Variants in PLCE1 observed in about 807,000 individuals in gnomAD.
PLCE1 encodes 1-phosphatidylinositol 4,5-bisphosphate phosphodiesterase epsilon-1.
In PLCE1, 119 loss-of-function variants were observed where a neutral mutation model predicts 242.8. That is an observed-to-expected ratio of 0.49 (90% confidence interval 0.42 to 0.57). The LOEUF (loss-of-function observed/expected upper bound fraction) is 0.57. PLCE1 is among the 20% of genes least tolerant of loss of function. PLCE1 has a pLI of 0.00. For missense variants in PLCE1, 2,441 were observed against 2,788.8 expected, an observed-to-expected ratio of 0.88 and a Z score of 2.81; for synonymous variants, 945 against 1,017.4, an observed-to-expected ratio of 0.93 and a Z score of 1.35.
chr10:94,189,845 G>T, intron 4 of PLCE1, among the ~76,000 whole-genome samples: 1 of 152,162 alleles, frequency 6.6e-6, no homozygotes, highest in East Asian at 1.9e-4. Flanking sequence ...CAGCCAAAGA[G>T]GTCAAGAGCA....
chr10:94,028,718 A>G lies in PLCE1; in HGVS notation c.-364-1965A>G, dbSNP rs138754401. Reference sequence around the variant, plus strand: ...AATTCCAGCAATTTGGGAGGCTAAGATGGGAGGATCGCTTGAGCCCAGAAA... The same window carrying G: ...AATTCCAGCAATTTGGGAGGCTAAGGTGGGAGGATCGCTTGAGCCCAGAAA... On this transcript the variant is annotated intron_variant, in intron 1 of 32. Transcript: ENST00000371380. Among the ~76,000 whole-genome samples the G allele has an allele frequency of 3.8e-3, 574 of 152,186 alleles. 2 individuals are homozygous for G. The highest frequency in any genetic ancestry group is 0.013 in the African/African-American group (542 of 41,532).
At chr10:94,127,822 G>A (rs768354385) in intron 2 of PLCE1, among the ~76,000 whole-genome samples, 5 of 152,052 alleles carry the variant, frequency 3.3e-5, no homozygotes, top group Non-Finnish European at 2.9e-5. Flanking sequence ...ACTTATCCAA[G>A]GTCACACAGC....
At chr10:94,105,651 G>A (rs895097764) in intron 2 of PLCE1, 1 of 152,168 alleles carries the variant, frequency 6.6e-6, no homozygotes, top group Non-Finnish European at 1.5e-5. Context: ...TTAGAATGAT[G>A]TTGGCACACT....
Position 94,132,366 on chromosome 10 carries a change from A to G in PLCE1, c.1399A>G (p.Thr467Ala). ...AAGGACTTCAATATCGCAGTACATC[A>G]CCGGTTCTCTCCTAGAAGCAACCAC... The part of the protein sequence containing the change: ...LQRTSISQYI[T>A]GSLLEATTSL... The change falls in exon 3 of 33, where the codon ACC (threonine) becomes GCC (alanine). Residue 467 changes from threonine to alanine, a missense_variant. Around this residue, in one of 5 missense-constraint regions of PLCE1, gnomAD observed 733 missense variants for 754.2 expected, o/e 0.97. Transcript: ENST00000371380. 6.2e-7 allele frequency: 1 copy of G among 1,614,042 alleles called. No individual in the cohort carries two copies. Among genetic ancestry groups the G allele is most frequent in the Non-Finnish European group, 8.5e-7 (1 of 1,179,962 alleles).
chr10:94,317,788 T>C (rs2053629132), intron 29 of PLCE1, among the ~76,000 whole-genome samples: 1 of 152,142 alleles, frequency 6.6e-6, no homozygotes, highest in Non-Finnish European at 1.5e-5. Context: ...GAATGACATA[T>C]AAGGTCATTT....
chr10:94,282,143 A>G (rs1433493029), intron 20 of PLCE1, among the ~76,000 whole-genome samples: 1 of 148,372 alleles, frequency 6.7e-6, no homozygotes. Flanking sequence ...TTAGGAACCC[A>G]TCTCTAAAGT....
chr10:94,101,629 C>G (rs762536745), intron 2 of PLCE1, among the ~76,000 whole-genome samples: 30 of 152,296 alleles, frequency 2.0e-4, no homozygotes, highest in African/African-American at 6.0e-4. Flanking sequence ...GGGTGAGCTA[C>G]TCGGTAAATA....
intron 1 of PLCE1, among the ~76,000 whole-genome samples, chr10:94,030,258 T>C (rs2061530533): frequency 6.6e-6 from 1 of 152,154 alleles, no homozygotes; most frequent in Non-Finnish European, 1.5e-5. Flanking sequence ...CTTAACTATT[T>C]CTCTTCTACT....
At chr10:94,254,792 T>G in intron 10 of PLCE1, 101 bp from the exon 11 acceptor site, 1 of 1,312,722 alleles carries the variant, frequency 7.6e-7, no homozygotes, top group Non-Finnish European at 1.1e-6. Context: ...GCTGCATAGG[T>G]TGATTTGCTC....
At chr10:94,283,982 A>T in intron 21 of PLCE1, 71 bp downstream of exon 21, 2 of 1,549,750 alleles carry the variant, frequency 1.3e-6, no homozygotes, top group Non-Finnish European at 1.8e-6. Flanking sequence ...ATGAGATTCC[A>T]CTTGCTCCCT....
intron 2 of PLCE1, chr10:94,109,186 C>T (rs1198544494): frequency 6.6e-6 from 1 of 152,192 alleles, no homozygotes; most frequent in African/African-American, 2.4e-5. Context: ...AGTTTAACTT[C>T]TGCTTTGCAG....
chr10:94,118,072 T>C, intron 2 of PLCE1, among the ~76,000 whole-genome samples: 1 of 152,190 alleles, frequency 6.6e-6, no homozygotes, highest in East Asian at 1.9e-4. Flanking sequence ...GCTAAAACCA[T>C]ATTTTTGGAA....
At chr10:94,280,044 G>A in intron 20 of PLCE1, 133 bp downstream of exon 20, 1 of 938,862 alleles carries the variant, frequency 1.1e-6, no homozygotes, top group Non-Finnish European at 1.7e-6. Flanking sequence ...AGGAGTTTCT[G>A]AATTCAGTCA....
intron 2 of PLCE1, among the ~76,000 whole-genome samples, chr10:94,088,473 A>G (rs1025703365): frequency 2.0e-4 from 30 of 152,190 alleles, no homozygotes; most frequent in African/African-American, 7.2e-4. Context: ...CACCCCAACC[A>G]TGGACCACAA....
chr10:94,038,145 G>T (rs978401489), intron 2 of PLCE1, among the ~76,000 whole-genome samples: 5 of 152,050 alleles, frequency 3.3e-5, no homozygotes, highest in Non-Finnish European at 7.4e-5. Context: ...GAAAAGTCAC[G>T]AGTCATAGAA....
chr10:94,199,371 T>G (rs1168210702), intron 4 of PLCE1, among the ~76,000 whole-genome samples: 1 of 152,198 alleles, frequency 6.6e-6, no homozygotes, highest in Non-Finnish European at 1.5e-5. Flanking sequence ...AAAATCTCAG[T>G]TTCTTCATTT....
chr10:94,197,877 G>C (rs1271721760), intron 4 of PLCE1, among the ~76,000 whole-genome samples: 2 of 150,918 alleles, frequency 1.3e-5, no homozygotes, highest in Admixed American at 6.6e-5. Context: ...CAGCTACGTG[G>C]GAGGCTAAGG....
chr10:94,254,136 C>T (rs769483952), intron 9 of PLCE1, 54 bp from the exon 10 acceptor site: 49 of 1,265,936 alleles, frequency 3.9e-5, no homozygotes, highest in Non-Finnish European at 5.2e-5. Flanking sequence ...TGAACTAAAG[C>T]AGTGATGGGA....
chr10:94,208,248 C>T (rs2049225304), intron 4 of PLCE1, among the ~76,000 whole-genome samples: 1 of 152,282 alleles, frequency 6.6e-6, no homozygotes, highest in South Asian at 2.1e-4. Flanking sequence ...CATCCTGTAC[C>T]CTCTGCGGTG....
Sources: gnomAD v4.1 joint callset for allele counts (sites outside exome capture counted in the v4.1 genomes callset) on GRCh38, gnomAD v4.1.1 for gene constraint, gnomAD v4.1.1 regional missense constraint, MANE v1.5 for transcripts, NCBI Gene and HGNC (gene_info 2026-07-23, HGNC 2026-07-21) for gene names.